Variants in PAK1 observed in about 807,000 individuals in gnomAD.
PAK1 encodes the protein p21 (RAC1) activated kinase 1.
Under a neutral mutation model 67.4 loss-of-function variants are expected in PAK1, and 29 were observed. The ratio of observed to expected loss-of-function variants is 0.43; its 90% CI spans 0.32 to 0.59. PAK1 has a LOEUF of 0.59. PAK1 is among the 20% of genes least tolerant of loss of function. The pLI is 0.07. For synonymous variants in PAK1, 223 were observed against 237.4 expected (o/e 0.94, Z 0.56); for missense variants, 337 against 670.7 (o/e 0.50, Z 5.50).
chr11:77,469,330 G>A (rs1318835571), intron 1 of PAK1, among the ~76,000 whole-genome samples: 2 of 152,148 alleles, frequency 1.3e-5, no homozygotes, highest in Admixed American at 6.5e-5. Context: ...TTATTCTGAG[G>A]GTTAAAAAGA....
chr11:77,378,489 A>G (rs1215711015), intron 4 of PAK1, among the ~76,000 whole-genome samples: 3 of 152,234 alleles, frequency 2.0e-5, no homozygotes, highest in Non-Finnish European at 4.4e-5. Context: ...ATAACTAATA[A>G]TAATATTAAC....
At chr11:77,432,792 G>A (rs1413220932) in intron 1 of PAK1, among the ~76,000 whole-genome samples, 3 of 151,026 alleles carry the variant, frequency 2.0e-5, no homozygotes, top group Non-Finnish European at 4.4e-5. Flanking sequence ...AAAATCAACT[G>A]TATTTCTATA....
chr11:77,442,367 C>T (rs1179942440), intron 1 of PAK1, among the ~76,000 whole-genome samples: 1 of 152,180 alleles, frequency 6.6e-6, no homozygotes, highest in Admixed American at 6.5e-5. Flanking sequence ...ACAGCAGCTT[C>T]TGTTTTGATT....
chr11:77,415,514 T>C (rs1489266377), intron 1 of PAK1, among the ~76,000 whole-genome samples: 2 of 152,186 alleles, frequency 1.3e-5, no homozygotes, highest in African/African-American at 4.8e-5. Flanking sequence ...TTGTATAGCA[T>C]GTTACTGTAC....
intron 6 of PAK1, 59 bp downstream of exon 6, chr11:77,358,839 C>T: frequency 6.3e-7 from 1 of 1,580,190 alleles, no homozygotes; most frequent in Non-Finnish European, 8.7e-7. Context: ...GCACCAACTC[C>T]TCCCTCTCCC....
At chr11:77,450,767 G>T (rs566126149) in intron 1 of PAK1, among the ~76,000 whole-genome samples, 1 of 152,292 alleles carries the variant, frequency 6.6e-6, no homozygotes, top group African/African-American at 2.4e-5. Flanking sequence ...CACCACTAAG[G>T]TCCTGACATA....
At chr11:77,383,868 T>G (rs1332022403) in intron 2 of PAK1, among the ~76,000 whole-genome samples, 1 of 152,118 alleles carries the variant, frequency 6.6e-6, no homozygotes, top group Admixed American at 6.5e-5. Flanking sequence ...GCTAAACAGC[T>G]GAGGTCAGGG....
chr11:77,327,064 C>G (rs924477860), intron 14 of PAK1, among the ~76,000 whole-genome samples: 1 of 151,758 alleles, frequency 6.6e-6, no homozygotes, highest in African/African-American at 2.4e-5. Flanking sequence ...TGAAATGAAG[C>G]GAGAAGAGAA....
Position 77,380,692 on chromosome 11 carries a change from A to G in PAK1, c.191-698T>C, listed in dbSNP as rs145624654. On this transcript the variant is annotated intron_variant, in intron 2 of 14. Transcript: ENST00000356341. The stretch of plus-strand genomic sequence containing the variant: ...CCAATATATGTAATAGTAATTGACT[A>G]TTATAAGTGTTTATCTTCCATACCA... Among the ~76,000 whole-genome samples the G allele has an allele frequency of 2.0e-4, 31 of 152,266 alleles. No homozygotes were observed. In the East Asian group the frequency reaches 5.4e-3, roughly 27 times the overall value.
At chr11:77,481,817 C>T in the PAK1 span, among the ~76,000 whole-genome samples, 1 of 152,052 alleles carries the variant, frequency 6.6e-6, no homozygotes, top group East Asian at 1.9e-4. Context: ...GAACATGTCT[C>T]TCCAGGAAAA....
chr11:77,357,044 A>G (rs1280449208), intron 6 of PAK1, among the ~76,000 whole-genome samples: 1 of 152,218 alleles, frequency 6.6e-6, no homozygotes, highest in Non-Finnish European at 1.5e-5. Flanking sequence ...TACTAAAAGA[A>G]AGCAAGCATT....
the PAK1 span, among the ~76,000 whole-genome samples, chr11:77,498,710 T>TTTC: frequency 7.2e-6 from 1 of 138,738 alleles, no homozygotes; most frequent in East Asian, 2.1e-4. Context: ...TTTTTTTTTT[T>TTTC]TTTTTTTTTG....
At chr11:77,520,420 C>T in the PAK1 span, among the ~76,000 whole-genome samples, 4 of 152,094 alleles carry the variant, frequency 2.6e-5, no homozygotes, top group Admixed American at 2.0e-4. Flanking sequence ...TTAGAAAACA[C>T]GTATCAAAAC....
intron 1 of PAK1, among the ~76,000 whole-genome samples, chr11:77,460,796 A>G (rs906377772): frequency 1.3e-5 from 2 of 152,212 alleles, no homozygotes; most frequent in Non-Finnish European, 2.9e-5. Context: ...GTACAAATCC[A>G]AGTAAATTCT....
At chr11:77,417,455 G>C (rs1955027843) in intron 1 of PAK1, among the ~76,000 whole-genome samples, 1 of 152,170 alleles carries the variant, frequency 6.6e-6, no homozygotes, top group Admixed American at 6.5e-5. Flanking sequence ...GTGGCGGCCA[G>C]GTATTTGAAA....
intron 7 of PAK1, among the ~76,000 whole-genome samples, chr11:77,354,808 T>C (rs979085086): frequency 3.9e-5 from 6 of 152,220 alleles, no homozygotes; most frequent in African/African-American, 1.4e-4. Flanking sequence ...AAATCCTTTT[T>C]GGAAGTAAGT....
At chr11:77,424,621 A>C (rs1261922450) in intron 1 of PAK1, among the ~76,000 whole-genome samples, 2 of 152,226 alleles carry the variant, frequency 1.3e-5, no homozygotes, top group Non-Finnish European at 2.9e-5. Flanking sequence ...TTTAAGTACC[A>C]GGTACTATTT....
intron 14 of PAK1, among the ~76,000 whole-genome samples, chr11:77,324,714 T>TA (rs1285159271): frequency 1.3e-5 from 2 of 151,436 alleles, no homozygotes; most frequent in Admixed American, 1.3e-4. Flanking sequence ...CTGCCATACT[T>TA]ACAATTCCCT....
At chr11:77,411,067 C>T (rs1016157341) in intron 1 of PAK1, among the ~76,000 whole-genome samples, 3 of 152,070 alleles carry the variant, frequency 2.0e-5, no homozygotes, top group African/African-American at 7.2e-5. Flanking sequence ...ACGCATCACA[C>T]TAAAATAAGC....
Sources: allele counts gnomAD v4.1 joint callset (sites outside exome capture counted in the v4.1 genomes callset), GRCh38; gene constraint gnomAD v4.1.1; transcripts MANE v1.5; gene names NCBI Gene and HGNC (gene_info 2026-07-23, HGNC 2026-07-21).